Variants in TBL1Y observed in about 807,000 individuals in gnomAD.
TBL1Y encodes the protein transducin beta like 1 Y-linked, also known as F-box-like/WD repeat-containing protein TBL1Y.
TBL1Y carries 15 observed loss-of-function variants against 12.0 expected under a neutral mutation model. The observed-to-expected ratio is 1.25, with a 90% confidence interval of 0.83 to 1.92. The LOEUF (loss-of-function observed/expected upper bound fraction) is 1.92. TBL1Y is among the 40% of genes most tolerant of loss of function. TBL1Y has a pLI of 0.00. For missense variants in TBL1Y, 148 were observed against 116.7 expected, an observed-to-expected ratio of 1.27 and a Z score of -1.24; for synonymous variants, 53 against 42.6, an observed-to-expected ratio of 1.24 and a Z score of -0.95.
intron 4 of TBL1Y, among the ~76,000 whole-genome samples, chrY:7,021,138 A>C (rs2012580657): frequency 3.0e-5 from 1 of 33,769 alleles, no homozygotes; most frequent in Non-Finnish European, 7.4e-5. Context: ...TTAATTTAAA[A>C]TTAATTTAAA....
chrY:7,016,268 A>C, intron 4 of TBL1Y, among the ~76,000 whole-genome samples: 3 of 32,117 alleles, frequency 9.3e-5, no homozygotes, highest in Non-Finnish European at 2.3e-4. Flanking sequence ...TTTTATCAAG[A>C]GATGCCAGTA....
At chrY:6,947,513 C>CACTT (rs2011992297) in intron 2 of TBL1Y, among the ~76,000 whole-genome samples, 1 of 33,362 alleles carries the variant, frequency 3.0e-5, no homozygotes, top group African/African-American at 1.2e-4. Flanking sequence ...TTATTTTGAA[C>CACTT]ACTTGCAGCT....
chrY:7,074,936 G>C (rs2013053476), intron 13 of TBL1Y, among the ~76,000 whole-genome samples: 3 of 32,886 alleles, frequency 9.1e-5, no homozygotes, highest in Non-Finnish European at 2.2e-4. Context: ...ATTTAAAATG[G>C]ACAAAAGGGG....
intron 17 of TBL1Y, 93 bp downstream of exon 17, chrY:7,087,525 A>G: frequency 7.0e-6 from 2 of 284,883 alleles, no homozygotes; most frequent in Non-Finnish European, 1.0e-5. Context: ...CCCTTGAGGG[A>G]GTAGAGCAAG....
chrY:6,975,688 G>T, intron 2 of TBL1Y, among the ~76,000 whole-genome samples: 2 of 32,820 alleles, frequency 6.1e-5, no homozygotes, highest in Admixed American at 2.8e-4. Context: ...ATGATACATA[G>T]TCTTAAAAGC....
chrY:7,085,424 A>AGCAGGTCAAGGCTGC (rs2013123704), intron 14 of TBL1Y, among the ~76,000 whole-genome samples: 2 of 31,282 alleles, frequency 6.4e-5, no homozygotes, highest in African/African-American at 1.3e-4. Flanking sequence ...ACTTGAGTTC[A>AGCAGGTCAAGGCTGC]GCAGGTCAAG....
chrY:6,958,653 A>G, intron 2 of TBL1Y, among the ~76,000 whole-genome samples: 1 of 33,113 alleles, frequency 3.0e-5, no homozygotes, highest in Admixed American at 2.7e-4. Flanking sequence ...GAAGGTCAGC[A>G]ACAAACATGT....
intron 14 of TBL1Y, among the ~76,000 whole-genome samples, chrY:7,082,431 A>T: frequency 3.0e-5 from 1 of 33,318 alleles, no homozygotes. Context: ...AATCGCCGGT[A>T]TACCATTAAA....
At chrY:6,933,601 CT>C (rs2011882537) in intron 2 of TBL1Y, among the ~76,000 whole-genome samples, 2 of 33,623 alleles carry the variant, frequency 5.9e-5, no homozygotes, top group Non-Finnish European at 1.5e-4. Context: ...TATGCTGCCC[CT>C]GTCTTTCATC....
At chrY:6,963,872 G>A in intron 2 of TBL1Y, among the ~76,000 whole-genome samples, 1 of 33,856 alleles carries the variant, frequency 3.0e-5, no homozygotes, top group Non-Finnish European at 7.3e-5. Flanking sequence ...ACTTTGTTGC[G>A]GGGCCTGGGG....
At chrY:6,982,819 T>G in intron 3 of TBL1Y, among the ~76,000 whole-genome samples, 2 of 33,343 alleles carry the variant, frequency 6.0e-5, no homozygotes, top group Admixed American at 5.5e-4. Context: ...ATTACCACTT[T>G]AACTCTGCCT....
chrY:7,047,425 AT>A (rs2012764742), intron 7 of TBL1Y, among the ~76,000 whole-genome samples: 1 of 33,668 alleles, frequency 3.0e-5, no homozygotes, highest in Non-Finnish European at 7.3e-5. Flanking sequence ...ACACCAATGT[AT>A]TCAATTTGGG....
intron 3 of TBL1Y, among the ~76,000 whole-genome samples, chrY:6,992,610 A>C: frequency 3.0e-5 from 1 of 33,511 alleles, no homozygotes; most frequent in Non-Finnish European, 7.4e-5. Flanking sequence ...CCCCATAAAC[A>C]TTGCTGCCAG....
Position 7,090,125 on chromosome Y carries a change from G to C in TBL1Y, c.1483G>C (p.Gly495Arg). Reference sequence around the variant, plus strand: ...CGTCCACAGCTACCAAGGCACTGGCGGTATCTTCGAGGTGTGCTGGAACGC... The same window carrying C: ...CGTCCACAGCTACCAAGGCACTGGCCGTATCTTCGAGGTGTGCTGGAACGC... The part of the protein sequence containing the change: ...SLVHSYQGTG[G>R]IFEVCWNARG... Residue 495 changes from glycine (G) to arginine (R), a missense_variant, in exon 18 of 19, where the codon GGT (glycine) becomes CGT (arginine). Coordinates refer to ENST00000383032, the MANE Select transcript of TBL1Y (RefSeq NM_033284.2). 1 of 398,299 alleles carries C rather than the reference G, an allele frequency of 2.5e-6. No homozygotes were observed. Among genetic ancestry groups the C allele is most frequent in the Non-Finnish European group, 3.5e-6 (1 of 283,334 alleles).
In TBL1Y at chrY:6,910,714, G is replaced by A. The variant is rs2011683701; in HGVS notation, c.-619G>A. ...GTGCCCCCAATTCGCGCTCGGGAGT[G>A]AGGAGCCGCCAACACCCCAGCTCCG... On this transcript the variant is annotated 5_prime_UTR_variant, in exon 1 of 19. Transcript: ENST00000383032. 1.6e-5 allele frequency: 1 copy of A among 61,062 alleles called. No individual in the cohort carries two copies. The highest frequency in any genetic ancestry group is 1.1e-4 in the African/African-American group (1 of 9,518). 15.2% of individuals were successfully genotyped at this position (61,062 alleles called of 400,897 possible).
At chrY:7,007,993 A>T in intron 4 of TBL1Y, among the ~76,000 whole-genome samples, 3 of 33,363 alleles carry the variant, frequency 9.0e-5, no homozygotes, top group Non-Finnish European at 2.2e-4. Flanking sequence ...GTCAGCAAGA[A>T]ATTCTGGGAT....
At chrY:7,020,973 A>G in intron 4 of TBL1Y, among the ~76,000 whole-genome samples, 1 of 33,384 alleles carries the variant, frequency 3.0e-5, no homozygotes, top group Non-Finnish European at 7.4e-5. Flanking sequence ...GGTTACTGGA[A>G]AGCTAGCCCC....
intron 6 of TBL1Y, among the ~76,000 whole-genome samples, chrY:7,033,860 C>G (rs2012670346): frequency 3.0e-5 from 1 of 33,131 alleles, no homozygotes; most frequent in African/African-American, 1.2e-4. Context: ...TATAACAAAC[C>G]CTCAGCCAAT....
chrY:7,030,775 G>C, intron 6 of TBL1Y, among the ~76,000 whole-genome samples: 1 of 33,258 alleles, frequency 3.0e-5, no homozygotes, highest in South Asian at 6.8e-4. Flanking sequence ...AGATAGAATA[G>C]ATAGGTAGAT....
Sources: allele counts gnomAD v4.1 joint callset (sites outside exome capture counted in the v4.1 genomes callset), GRCh38; gene constraint gnomAD v4.1.1; transcripts MANE v1.5; gene names NCBI Gene and HGNC (gene_info 2026-07-23, HGNC 2026-07-21).